The following PPP1R36 variants were observed in gnomAD, a reference collection of about 807,000 sequenced individuals.
PPP1R36 encodes chromosome 14 open reading frame 50.
A neutral mutation model predicts 53.4 loss-of-function variants in PPP1R36; 47 were observed. The observed-to-expected ratio is 0.88, with a 90% CI of 0.70 to 1.12. The LOEUF (loss-of-function observed/expected upper bound fraction) is 1.12. Among genes scored for constraint, PPP1R36 ranks in the 50% most tolerant of loss-of-function variants. The pLI is 0.00. For missense variants in PPP1R36, 456 were observed against 513.9 expected (o/e 0.89, Z 1.09); for synonymous variants, 153 against 170.5 (o/e 0.90, Z 0.80).
At chr14:64,581,673 T>C (rs1359545729) in intron 8 of PPP1R36, among the ~76,000 whole-genome samples, 6 of 152,100 alleles carry the variant, frequency 3.9e-5, no homozygotes, top group African/African-American at 1.4e-4. Flanking sequence ...GGGTGGTCCC[T>C]GTTTTGTCTC....
In PPP1R36 at chr14:64,549,975, C is replaced by T. The variant is rs769866548; in HGVS notation, c.-23C>T. On this transcript the variant is annotated 5_prime_UTR_variant, in exon 1 of 12. Transcript: ENST00000298705. ...CTGCGGGCGGTATCCTCGGCGACGCCGTATGGCTTCCAGGGCGAGGCCATG... is the reference window on the plus strand; with the variant it reads ...CTGCGGGCGGTATCCTCGGCGACGCTGTATGGCTTCCAGGGCGAGGCCATG... 1 of 1,554,418 alleles carries T rather than the reference C, an allele frequency of 6.4e-7. No homozygotes were observed. The highest frequency in any genetic ancestry group is 8.7e-7 in the Non-Finnish European group (1 of 1,148,348).
At chr14:64,584,959 C>G (rs1482699049) in intron 8 of PPP1R36, among the ~76,000 whole-genome samples, 1 of 152,182 alleles carries the variant, frequency 6.6e-6, no homozygotes, top group Non-Finnish European at 1.5e-5. Context: ...TTATTGAAGA[C>G]TTGCACATGA....
chr14:64,568,065 T>C (rs1024053900), intron 6 of PPP1R36, among the ~76,000 whole-genome samples: 1 of 152,214 alleles, frequency 6.6e-6, no homozygotes, highest in Non-Finnish European at 1.5e-5. Flanking sequence ...AATGGAAATA[T>C]ATTGTATAAT....
chr14:64,570,944 G>A (rs1716583776), intron 7 of PPP1R36, among the ~76,000 whole-genome samples: 1 of 152,192 alleles, frequency 6.6e-6, no homozygotes, highest in Non-Finnish European at 1.5e-5. Context: ...TGACATTACA[G>A]TTCCTAGGTG....
chr14:64,580,886 C>T (rs2080383194), intron 8 of PPP1R36, among the ~76,000 whole-genome samples: 1 of 152,188 alleles, frequency 6.6e-6, no homozygotes. Context: ...TATTTTCTGA[C>T]TTTTCTCTTT....
intron 7 of PPP1R36, among the ~76,000 whole-genome samples, chr14:64,574,071 T>C (rs2080324184): frequency 6.6e-6 from 1 of 152,140 alleles, no homozygotes; most frequent in African/African-American, 2.4e-5. Context: ...TTGACTCACT[T>C]GTATTTCTTT....
chr14:64,578,893 G>A (rs1040962871), intron 8 of PPP1R36, among the ~76,000 whole-genome samples: 4 of 152,192 alleles, frequency 2.6e-5, no homozygotes, highest in African/African-American at 9.7e-5. Flanking sequence ...TAAAGAAAAG[G>A]TGGTACGTTT....
intron 10 of PPP1R36, 78 bp downstream of exon 10, chr14:64,587,450 T>A (rs79537647): frequency 8.0e-5 from 3 of 37,490 alleles, no homozygotes; most frequent in Non-Finnish European, 1.1e-4. Flanking sequence ...TTTTTCTCCT[T>A]TTTTTTTTTT....
chr14:64,552,669 T>C, intron 2 of PPP1R36, 145 bp from the exon 3 acceptor site: 1 of 619,376 alleles, frequency 1.6e-6, no homozygotes, highest in Non-Finnish European at 2.9e-6. Context: ...TATAATGACA[T>C]GTTTCATGAT....
intron 8 of PPP1R36, among the ~76,000 whole-genome samples, chr14:64,580,886 CT>C (rs2080383237): frequency 6.6e-6 from 1 of 152,188 alleles, no homozygotes; most frequent in Non-Finnish European, 1.5e-5. Context: ...TATTTTCTGA[CT>C]TTTCTCTTTC....
chr14:64,570,092 G>C (rs2080291239), intron 7 of PPP1R36, among the ~76,000 whole-genome samples: 1 of 152,078 alleles, frequency 6.6e-6, no homozygotes, highest in Non-Finnish European at 1.5e-5. Flanking sequence ...AGTTGAAGAT[G>C]CACTAAACAT....
chr14:64,569,928 G>A (rs2080290043), intron 7 of PPP1R36, among the ~76,000 whole-genome samples: 1 of 151,454 alleles, frequency 6.6e-6, no homozygotes, highest in Admixed American at 6.6e-5. Flanking sequence ...TAGTAGAGAT[G>A]GGGTTTCACC....
chr14:64,559,645 G>T (rs1284109752), intron 3 of PPP1R36: 1 of 152,392 alleles, frequency 6.6e-6, no homozygotes, highest in Non-Finnish European at 1.5e-5. Flanking sequence ...GGGCCATAAT[G>T]TGGGGACTGC....
intron 7 of PPP1R36, among the ~76,000 whole-genome samples, chr14:64,571,787 C>T (rs1004142411): frequency 7.2e-5 from 11 of 152,170 alleles, no homozygotes; most frequent in African/African-American, 1.7e-4. Context: ...CACATGGCTG[C>T]GGAGGCCTCA....
chr14:64,584,122 G>C (rs1290221057), intron 8 of PPP1R36, among the ~76,000 whole-genome samples: 2 of 151,974 alleles, frequency 1.3e-5, no homozygotes, highest in Non-Finnish European at 2.9e-5. Context: ...GGCTGGTCTT[G>C]AACTCCTGAC....
At chr14:64,587,125 T>TTG in intron 9 of PPP1R36, 69 bp from the exon 10 acceptor site, 1 of 1,244,586 alleles carries the variant, frequency 8.0e-7, no homozygotes. Context: ...TTAGCTGTGT[T>TTG]ATACAGACAG....
intron 3 of PPP1R36, among the ~76,000 whole-genome samples, chr14:64,557,523 T>A (rs531760383): frequency 5.3e-5 from 8 of 152,338 alleles, no homozygotes; most frequent in African/African-American, 1.9e-4. Flanking sequence ...TCAGTTATAG[T>A]CATTTGGTAT....
At chr14:64,558,782 C>G (rs554330468) in intron 3 of PPP1R36, among the ~76,000 whole-genome samples, 1 of 151,910 alleles carries the variant, frequency 6.6e-6, no homozygotes, top group Non-Finnish European at 1.5e-5. Context: ...ATTATAGGCA[C>G]GCGGCACCAC....
intron 8 of PPP1R36, among the ~76,000 whole-genome samples, chr14:64,583,957 G>C (rs897166824): frequency 3.5e-5 from 5 of 143,710 alleles, no homozygotes; most frequent in Non-Finnish European, 7.5e-5. Context: ...CTGGAGTGCA[G>C]TGACGTGATC....
Sources: gnomAD v4.1 joint callset for allele counts (sites outside exome capture counted in the v4.1 genomes callset) on GRCh38, gnomAD v4.1.1 for gene constraint, MANE v1.5 for transcripts, NCBI Gene and HGNC (gene_info 2026-07-23, HGNC 2026-07-21) for gene names.